The following FTCDNL1 variants were observed in gnomAD, a reference collection of about 807,000 sequenced individuals.
FTCDNL1 encodes formiminotransferase N-terminal subdomain-containing protein.
Under a neutral mutation model 5.9 loss-of-function variants are expected in FTCDNL1, and 11 were observed. The observed-to-expected ratio is 1.87, with a 90% CI of 1.18 to 3.10. The LOEUF is 3.10. Ranked by LOEUF, FTCDNL1 falls within the 30% of genes most tolerant of loss-of-function variation. FTCDNL1 has a pLI of 0.00. For synonymous variants in FTCDNL1, 58 were observed against 24.8 expected (o/e 2.34, Z -3.99); for missense variants, 115 against 65.5 (o/e 1.76, Z -2.61).
the FTCDNL1 span, among the ~76,000 whole-genome samples, chr2:199,750,045 A>T: frequency 6.6e-6 from 1 of 151,342 alleles, no homozygotes; most frequent in Admixed American, 6.6e-5. Context: ...TTAAAAATTT[A>T]AAAATTTAAA....
intron 3 of FTCDNL1, among the ~76,000 whole-genome samples, chr2:199,835,659 C>T (rs551170125): frequency 1.0e-3 from 159 of 152,146 alleles, no homozygotes; most frequent in African/African-American, 3.4e-3. Flanking sequence ...ACTATAAAAG[C>T]TAGGAAGGAA....
At chr2:199,668,448 A>G in the FTCDNL1 span, among the ~76,000 whole-genome samples, 1 of 152,128 alleles carries the variant, frequency 6.6e-6, no homozygotes, top group Non-Finnish European at 1.5e-5. Context: ...TGCAATCTGC[A>G]TAGTATCTCC....
At chr2:199,836,438 C>T (rs1228763021) in intron 3 of FTCDNL1, among the ~76,000 whole-genome samples, 2 of 152,142 alleles carry the variant, frequency 1.3e-5, no homozygotes, top group African/African-American at 4.8e-5. Context: ...TCCCAAAGTG[C>T]TGGGATTATA....
At chr2:199,826,919 C>T (rs915815294) in intron 3 of FTCDNL1, among the ~76,000 whole-genome samples, 1 of 152,068 alleles carries the variant, frequency 6.6e-6, no homozygotes, top group Non-Finnish European at 1.5e-5. Context: ...CTAATAAATG[C>T]GGAAGTGATG....
At chr2:199,795,445 G>A (rs1178902456) in intron 3 of FTCDNL1, among the ~76,000 whole-genome samples, 1 of 152,034 alleles carries the variant, frequency 6.6e-6, no homozygotes, top group East Asian at 1.9e-4. Context: ...TTACAAAAAC[G>A]TCCTCCTTAT....
At chr2:199,697,603 C>T in the FTCDNL1 span, among the ~76,000 whole-genome samples, 1 of 152,150 alleles carries the variant, frequency 6.6e-6, no homozygotes, top group African/African-American at 2.4e-5. Context: ...TACCACCAGA[C>T]CTGCTTTAAA....
At chr2:199,739,388 G>A in the FTCDNL1 span, among the ~76,000 whole-genome samples, 4 of 152,250 alleles carry the variant, frequency 2.6e-5, no homozygotes, top group South Asian at 8.3e-4. Flanking sequence ...GAGCTTTACG[G>A]GTAAAACTTA....
chr2:199,807,841 C>T (rs568394556), downstream of FTCDNL1, among the ~76,000 whole-genome samples: 1 of 152,074 alleles, frequency 6.6e-6, no homozygotes, highest in Admixed American at 6.5e-5. Flanking sequence ...AGAAATTTGC[C>T]AACATTTTAT....
intron 3 of FTCDNL1, among the ~76,000 whole-genome samples, chr2:199,838,447 A>G (rs797000454): frequency 2.6e-5 from 4 of 152,230 alleles, no homozygotes; most frequent in African/African-American, 9.6e-5. Context: ...AAATGGTATA[A>G]AGAAATTTTT....
chr2:199,705,201 G>A, the FTCDNL1 span, among the ~76,000 whole-genome samples: 1 of 152,152 alleles, frequency 6.6e-6, no homozygotes, highest in African/African-American at 2.4e-5. Context: ...GTAAGAGGGG[G>A]AAAGTAAGGA....
At chr2:199,749,045 G>C in the FTCDNL1 span, among the ~76,000 whole-genome samples, 1 of 152,162 alleles carries the variant, frequency 6.6e-6, no homozygotes, top group Non-Finnish European at 1.5e-5. Flanking sequence ...AGACTCACCT[G>C]TTCTATATGG....
intron 3 of FTCDNL1, among the ~76,000 whole-genome samples, chr2:199,830,253 T>C (rs190353195): frequency 6.6e-6 from 1 of 152,226 alleles, no homozygotes; most frequent in East Asian, 1.9e-4. Context: ...GCCCTAAAAG[T>C]TTTTGCCTAA....
the FTCDNL1 span, among the ~76,000 whole-genome samples, chr2:199,670,636 C>T: frequency 1.3e-5 from 2 of 152,140 alleles, no homozygotes; most frequent in African/African-American, 4.8e-5. Flanking sequence ...TTCCCCAAAA[C>T]TCACAGACTT....
chr2:199,673,579 A>T, the FTCDNL1 span, among the ~76,000 whole-genome samples: 1 of 152,310 alleles, frequency 6.6e-6, no homozygotes, highest in East Asian at 1.9e-4. Context: ...CAATTGGAAT[A>T]CAGAAACAAA....
chr2:199,673,983 A>G, the FTCDNL1 span, among the ~76,000 whole-genome samples: 17 of 152,266 alleles, frequency 1.1e-4, no homozygotes, highest in East Asian at 3.3e-3. Context: ...GCCCAGCCCA[A>G]GTCTATGGAA....
chr2:199,822,230 C>T (rs1041297285), intron 3 of FTCDNL1, among the ~76,000 whole-genome samples: 19 of 152,160 alleles, frequency 1.2e-4, no homozygotes, highest in African/African-American at 4.3e-4. Context: ...TAGTGAGACA[C>T]CAACTCTACA....
chr2:199,710,314 T>C, the FTCDNL1 span, among the ~76,000 whole-genome samples: 1 of 152,172 alleles, frequency 6.6e-6, no homozygotes, highest in Non-Finnish European at 1.5e-5. Flanking sequence ...ATATATGAGT[T>C]CAAGAAGTTT....
the FTCDNL1 span, among the ~76,000 whole-genome samples, chr2:199,675,734 G>A: frequency 1.3e-5 from 2 of 152,134 alleles, no homozygotes; most frequent in Non-Finnish European, 2.9e-5. Flanking sequence ...CAGGAAGGAA[G>A]AGCAGAAGAA....
At chr2:199,760,897 C>G (rs1698239747) in intron 3 of FTCDNL1, 1 of 701,510 alleles carries the variant, frequency 1.4e-6, no homozygotes, top group Non-Finnish European at 2.6e-6. Context: ...GGCCTTACCC[C>G]TCTCCACTCA....
Sources: gnomAD v4.1 joint callset for allele counts (sites outside exome capture counted in the v4.1 genomes callset) on GRCh38, gnomAD v4.1.1 for gene constraint, MANE v1.5 for transcripts, NCBI Gene and HGNC (gene_info 2026-07-23, HGNC 2026-07-21) for gene names.